GNA14: variants seen among roughly 807,000 people sequenced by gnomAD.
GNA14 encodes the protein G protein subunit alpha 14, also known as guanine nucleotide-binding protein subunit alpha-14.
In GNA14, 50 loss-of-function variants were observed where a neutral mutation model predicts 42.0. The observed-to-expected ratio is 1.19, with a 90% CI of 0.95 to 1.51. The LOEUF (loss-of-function observed/expected upper bound fraction) is 1.51. Ranked by LOEUF, GNA14 falls within the 40% of genes most tolerant of loss-of-function variation. The pLI, the probability that GNA14 is intolerant of heterozygous loss-of-function variation, is 0.00. For synonymous variants in GNA14, 173 were observed against 163.1 expected (o/e 1.06, Z -0.46); for missense variants, 473 against 446.2 (o/e 1.06, Z -0.54).
intron 2 of GNA14, among the ~76,000 whole-genome samples, chr9:77,475,086 C>T (rs919815826): frequency 1.3e-5 from 2 of 151,036 alleles, no homozygotes; most frequent in African/African-American, 4.9e-5. Flanking sequence ...AGTTGGCTGG[C>T]AGCTGTTTGT....
At chr9:77,483,845 A>G (rs1470173293) in intron 2 of GNA14, among the ~76,000 whole-genome samples, 2 of 152,020 alleles carry the variant, frequency 1.3e-5, no homozygotes, top group Non-Finnish European at 2.9e-5. Context: ...ATTCTTTGAG[A>G]AAAAGAGAAT....
chr9:77,459,564 T>C (rs886209321), intron 2 of GNA14, among the ~76,000 whole-genome samples: 1 of 152,076 alleles, frequency 6.6e-6, no homozygotes, highest in East Asian at 1.9e-4. Flanking sequence ...ACCCCACTGC[T>C]CTCAGGTCCT....
intron 1 of GNA14, among the ~76,000 whole-genome samples, chr9:77,546,648 C>T (rs548655123): frequency 6.6e-6 from 1 of 152,324 alleles, no homozygotes; most frequent in East Asian, 1.9e-4. Flanking sequence ...CTCTCCATGA[C>T]TAAGACCAAA....
chr9:77,566,276 T>C (rs1369855177), intron 1 of GNA14, among the ~76,000 whole-genome samples: 2 of 149,692 alleles, frequency 1.3e-5, no homozygotes, highest in Non-Finnish European at 3.0e-5. Flanking sequence ...AGCCTCAGCC[T>C]CCTGAGTAGC....
chr9:77,525,902 C>CTT (rs200876343), intron 2 of GNA14, among the ~76,000 whole-genome samples: 29 of 80,572 alleles, frequency 3.6e-4, no homozygotes, highest in Admixed American at 3.2e-4. Flanking sequence ...AGATTTGGGA[C>CTT]TTTTTTTAAA....
chr9:77,530,287 G>A (rs1161772229), intron 1 of GNA14, among the ~76,000 whole-genome samples: 3 of 152,074 alleles, frequency 2.0e-5, no homozygotes, highest in Admixed American at 6.6e-5. Flanking sequence ...TTGTTTAAAA[G>A]TGTATGGCAC....
At chr9:77,537,790 C>T (rs1242287761) in intron 1 of GNA14, among the ~76,000 whole-genome samples, 2 of 152,164 alleles carry the variant, frequency 1.3e-5, no homozygotes, top group East Asian at 3.8e-4. Flanking sequence ...ATGGTAGTAT[C>T]TCACTATGGT....
intron 2 of GNA14, among the ~76,000 whole-genome samples, chr9:77,523,372 A>G (rs997417551): frequency 1.3e-5 from 2 of 152,116 alleles, no homozygotes; most frequent in African/African-American, 4.8e-5. Context: ...GAGCAGGAAC[A>G]AGGCTGGGGA....
chr9:77,547,496 G>A (rs984147497), intron 1 of GNA14, among the ~76,000 whole-genome samples: 9 of 152,224 alleles, frequency 5.9e-5, no homozygotes, highest in South Asian at 2.1e-4. Context: ...CCTCCAAGGC[G>A]TAAGGAAGCA....
intron 2 of GNA14, among the ~76,000 whole-genome samples, chr9:77,498,535 A>G (rs11145441): frequency 0.31 from 46,490 of 152,070 alleles, 7,295 homozygotes; most frequent in East Asian, 0.48. Flanking sequence ...GGCTCCTAAG[A>G]GCCATCTCCT....
intron 1 of GNA14, among the ~76,000 whole-genome samples, chr9:77,592,226 C>G (rs1379502706): frequency 2.0e-5 from 3 of 152,128 alleles, no homozygotes; most frequent in Non-Finnish European, 4.4e-5. Flanking sequence ...CTTCTGTCAG[C>G]CTGGGGTGCT....
At chr9:77,568,722 G>A (rs1823011674) in intron 1 of GNA14, among the ~76,000 whole-genome samples, 2 of 152,084 alleles carry the variant, frequency 1.3e-5, no homozygotes, top group Admixed American at 6.6e-5. Flanking sequence ...GTACAGGGAT[G>A]GTGAAGTCTC....
chr9:77,567,848 CAG>C (rs1341367290), intron 1 of GNA14, among the ~76,000 whole-genome samples: 2 of 152,158 alleles, frequency 1.3e-5, no homozygotes, highest in African/African-American at 2.4e-5. Context: ...GCCTGGGTGA[CAG>C]AGAGAGACTC....
At chr9:77,431,022 A>AGTGTGTGTGTGTGTGTG (rs1564011639) in intron 4 of GNA14, among the ~76,000 whole-genome samples, 1 of 34,328 alleles carries the variant, frequency 2.9e-5, no homozygotes, top group Non-Finnish European at 5.4e-5. Context: ...AGAAGTATAC[A>AGTGTGTGTGTGTGTGTG]TTTGTGTGTG....
chr9:77,438,779 C>A (rs1165885744), intron 2 of GNA14, among the ~76,000 whole-genome samples: 1 of 152,194 alleles, frequency 6.6e-6, no homozygotes, highest in Non-Finnish European at 1.5e-5. Flanking sequence ...CACACAGTTA[C>A]ATTTTTCTTG....
At chr9:77,456,133 A>G (rs1835995379) in intron 2 of GNA14, among the ~76,000 whole-genome samples, 1 of 152,220 alleles carries the variant, frequency 6.6e-6, no homozygotes, top group African/African-American at 2.4e-5. Context: ...AGGAAATAAG[A>G]TACTTTAATA....
chr9:77,539,413 T>G (rs1837633248), intron 1 of GNA14, among the ~76,000 whole-genome samples: 1 of 152,206 alleles, frequency 6.6e-6, no homozygotes, highest in Admixed American at 6.5e-5. Context: ...TTTGCTAGTA[T>G]TTAGTCGAAG....
chr9:77,445,408 T>C (rs1337243022), intron 2 of GNA14, among the ~76,000 whole-genome samples: 1 of 148,756 alleles, frequency 6.7e-6, no homozygotes, highest in African/African-American at 2.5e-5. Context: ...CCAGTGGAGC[T>C]GCTTCTCAGA....
intron 1 of GNA14, among the ~76,000 whole-genome samples, chr9:77,617,380 T>C (rs753692119): frequency 1.3e-5 from 2 of 152,104 alleles, no homozygotes; most frequent in Non-Finnish European, 2.9e-5. Context: ...GGAGTCATCC[T>C]GATGACATCC....
Sources: gnomAD v4.1 joint callset for allele counts (sites outside exome capture counted in the v4.1 genomes callset) on GRCh38, gnomAD v4.1.1 for gene constraint, MANE v1.5 for transcripts, NCBI Gene and HGNC (gene_info 2026-07-23, HGNC 2026-07-21) for gene names.